The following RBL2 variants were observed in gnomAD, a reference collection of about 807,000 sequenced individuals.
RBL2 encodes RB transcriptional corepressor like 2, also known as retinoblastoma-like protein 2.
Under a neutral mutation model 126.0 loss-of-function variants are expected in RBL2, and 56 were observed. That is an observed-to-expected ratio of 0.44 (90% confidence interval 0.36 to 0.56). RBL2 has a LOEUF of 0.56. Ranked by LOEUF, RBL2 falls within the 20% of genes least tolerant of loss-of-function variation. The pLI is 0.00. For missense variants in RBL2, 1,229 were observed against 1,398.2 expected (o/e 0.88, Z 1.93); for synonymous variants, 454 against 478.5 (o/e 0.95, Z 0.67).
intron 16 of RBL2, 34 bp from the exon 17 acceptor site, chr16:53,470,712 G>A: frequency 6.2e-7 from 1 of 1,612,346 alleles, no homozygotes; most frequent in South Asian, 1.1e-5. Flanking sequence ...AAATACAAGT[G>A]TTAAACAAAG....
Position 53,474,476 on chromosome 16 carries a change from CT to C in RBL2, c.2703+3555del, listed in dbSNP as rs1960649887. ...GGATTACAGGCATGTGCCACCACCC[CT>C]GGCTAATTTTGTATTTTCAGTAGGG... On this transcript the variant is annotated intron_variant, in intron 17 of 21. Coordinates refer to ENST00000262133, the MANE Select transcript of RBL2 (RefSeq NM_005611.4). Among the ~76,000 whole-genome samples, 4 of 152,128 alleles carry C rather than the reference CT, an allele frequency of 2.6e-5. No individual in the cohort carries two copies. In the South Asian group the frequency reaches 8.3e-4, roughly 32 times the overall value.
chr16:53,441,284 A>G (rs1035074029), intron 2 of RBL2, among the ~76,000 whole-genome samples: 3 of 152,058 alleles, frequency 2.0e-5, no homozygotes, highest in African/African-American at 7.2e-5. Flanking sequence ...GCTGGTGTAC[A>G]TTGGTGAGAG....
At chr16:53,479,825 A>C (rs1199524782) in intron 18 of RBL2, 61 bp from the exon 19 acceptor site, 5 of 1,150,122 alleles carry the variant, frequency 4.3e-6, no homozygotes, top group South Asian at 4.2e-5. Flanking sequence ...TGAAGGTCCT[A>C]TCACCAAGGG....
intron 21 of RBL2, among the ~76,000 whole-genome samples, chr16:53,484,056 C>G (rs1367467189): frequency 6.6e-6 from 1 of 151,850 alleles, no homozygotes; most frequent in East Asian, 1.9e-4. Flanking sequence ...AAAAGATATA[C>G]TTTCTCTGTT....
rs139577774 is a variant in RBL2 at position 53,468,383 on chromosome 16, C to T, written c.1975+1214C>T. Among the ~76,000 whole-genome samples the T allele has an allele frequency of 1.0e-2, 1,507 of 151,242 alleles. 22 individuals carry two copies. The highest frequency in any genetic ancestry group is 0.012 in the Non-Finnish European group (785 of 67,956). ...GCAAGATACCATCTCTACCCCCAAC[C>T]CCCCCAAAAAAATCACTCTAAGTGT... On this transcript the variant is annotated intron_variant, in intron 14 of 21. Coordinates refer to ENST00000262133, the MANE Select transcript of RBL2 (RefSeq NM_005611.4).
chr16:53,457,277 T>TTTTTTTTG (rs1213898728), intron 8 of RBL2, among the ~76,000 whole-genome samples: 3 of 139,878 alleles, frequency 2.1e-5, no homozygotes, highest in Non-Finnish European at 4.7e-5. Flanking sequence ...TTTTTTTTTT[T>TTTTTTTTG]GAGATGGAGT....
chr16:53,481,919 T>C, intron 21 of RBL2, 84 bp downstream of exon 21: 1 of 1,448,276 alleles, frequency 6.9e-7, no homozygotes, highest in Non-Finnish European at 9.6e-7. Flanking sequence ...GCTTAGGCAC[T>C]CATTAGAGTG....
chr16:53,477,377 G>A (rs374941117), intron 17 of RBL2, among the ~76,000 whole-genome samples: 137 of 151,878 alleles, frequency 9.0e-4, no homozygotes, highest in African/African-American at 3.1e-3. Flanking sequence ...TTGCTCTGTC[G>A]CCCAGACTAG....
chr16:53,446,942 T>TTAACTGTG, intron 3 of RBL2, 100 bp from the exon 4 acceptor site: 1 of 608,582 alleles, frequency 1.6e-6, no homozygotes, highest in Non-Finnish European at 2.7e-6. Flanking sequence ...GTCTCTCCCT[T>TTAACTGTG]TAACTGTGGG....
chr16:53,454,752 G>C lies in RBL2; in HGVS notation c.1089G>C (p.Gly363=). 6.2e-7 allele frequency: 1 copy of C among 1,614,054 alleles called. No homozygotes were observed. The highest frequency in any genetic ancestry group is 1.1e-5 in the South Asian group (1 of 91,080). ...FLGEDAEEEI[G]TLSRCLNAGS... ...GAGAGGATGCTGAGGAGGAAATTGG[G>C]ACTCTCTCAAGGTGTCTGAACGCTG... The change falls in exon 8 of 22, where the codon GGG becomes GGC. Residue 363 remains glycine, a synonymous_variant. Coordinates refer to ENST00000262133, the MANE Select transcript of RBL2 (RefSeq NM_005611.4).
chr16:53,445,326 C>CAAA (rs11360172), intron 3 of RBL2, among the ~76,000 whole-genome samples: 1 of 114,528 alleles, frequency 8.7e-6, no homozygotes, highest in South Asian at 2.8e-4. Context: ...GACCTTGTCT[C>CAAA]AAAAAAAAAA....
chr16:53,489,574 A>G (rs896775566), intron 21 of RBL2: 3 of 152,194 alleles, frequency 2.0e-5, no homozygotes, highest in African/African-American at 7.2e-5. Flanking sequence ...CCAGAAAATA[A>G]TTTGAGTAAC....
chr16:53,455,073 C>G (rs1023655277), intron 8 of RBL2, among the ~76,000 whole-genome samples: 4 of 152,080 alleles, frequency 2.6e-5, no homozygotes, highest in Non-Finnish European at 5.9e-5. Flanking sequence ...TAAATTTAAA[C>G]AAATGTGTCA....
rs752404326 is a variant in RBL2, at chr16:53,442,729, G to A, written c.443G>A (p.Arg148His). ...AATCTACCCCCACATTTCAGAGAAC[G>A]TACTGAGAGATTAGAAAGAAACTTC... ...MANLPPHFRE[R>H]TERLERNFTV... The change falls in exon 3 of 22, where the codon CGT (arginine) becomes CAT (histidine). Residue 148 changes from arginine (R) to histidine (H), a missense_variant. Arg to His is a conservative substitution (Grantham distance 29). Transcript: ENST00000262133. The A allele has an allele frequency of 1.7e-5, 27 of 1,613,524 alleles. No individual in the cohort carries two copies. Among genetic ancestry groups the A allele is most frequent in the Admixed American group, 3.3e-5 (2 of 59,972 alleles).
At chr16:53,485,830 T>G (rs1961144523) in intron 21 of RBL2, among the ~76,000 whole-genome samples, 1 of 151,732 alleles carries the variant, frequency 6.6e-6, no homozygotes, top group Non-Finnish European at 1.5e-5. Context: ...CACTCCAGCC[T>G]GAGTGACAGA....
chr16:53,462,049 T>C (rs1437764569), intron 10 of RBL2, among the ~76,000 whole-genome samples, 199 bp downstream of exon 10: 2 of 152,242 alleles, frequency 1.3e-5, no homozygotes, highest in Admixed American at 6.5e-5. Flanking sequence ...GGTATCTTTA[T>C]TATATTGGAC....
rs1422102781 is a variant in RBL2 at position 53,480,662 on chromosome 16, G to C, written c.2977G>C (p.Ala993Pro). Reference sequence around the variant, plus strand: ...TCCCACACCTACTCGCCTCACAGGTGCCAACAGTGACATGGAAGAAGAGGA... The same window carrying C: ...TCCCACACCTACTCGCCTCACAGGTCCCAACAGTGACATGGAAGAAGAGGA... ...APPTPTRLTG[A>P]NSDMEEEERG... Residue 993 changes from alanine (A) to proline (P), a missense_variant, in exon 20 of 22, where the codon GCC becomes CCC. Ala to Pro is a conservative substitution (Grantham distance 27). This residue lies in a region of RBL2 where 1,070 missense variants were observed against 1,274.3 expected (regional missense o/e 0.84). Coordinates refer to ENST00000262133, the MANE Select transcript of RBL2 (RefSeq NM_005611.4). 1 of 1,613,958 alleles carries C rather than the reference G, an allele frequency of 6.2e-7. No individual in the cohort carries two copies. The highest frequency in any genetic ancestry group is 1.7e-5 in the Admixed American group (1 of 60,002).
intron 2 of RBL2, among the ~76,000 whole-genome samples, chr16:53,441,381 G>A (rs2058014463): frequency 6.6e-6 from 1 of 152,108 alleles, no homozygotes; most frequent in African/African-American, 2.4e-5. Context: ...ACTTCTTGGA[G>A]TAGTCCCCAA....
At chr16:53,484,842 CAATAAA>C (rs1206425647) in intron 21 of RBL2, among the ~76,000 whole-genome samples, 2 of 151,970 alleles carry the variant, frequency 1.3e-5, no homozygotes, top group Non-Finnish European at 2.9e-5. Context: ...AATTATATCT[CAATAAA>C]GCTGGAAGGG....
Sources: gnomAD v4.1 joint callset for allele counts (sites outside exome capture counted in the v4.1 genomes callset) on GRCh38, gnomAD v4.1.1 for gene constraint, gnomAD v4.1.1 regional missense constraint, MANE v1.5 for transcripts, NCBI Gene and HGNC (gene_info 2026-07-23, HGNC 2026-07-21) for gene names.